KMT2C: variants seen among roughly 807,000 people sequenced by gnomAD.
KMT2C encodes lysine methyltransferase 2C, also known as histone-lysine N-methyltransferase 2C.
Under a neutral mutation model 507.9 loss-of-function variants are expected in KMT2C, and 88 were observed. The ratio of observed to expected loss-of-function variants is 0.17; its 90% CI spans 0.15 to 0.21. The LOEUF (loss-of-function observed/expected upper bound fraction) is 0.21, where lower values mean the gene tolerates loss of function less well. Among genes scored for constraint, KMT2C ranks in the 10% least tolerant of loss-of-function variants. The pLI is 1.00. For missense variants in KMT2C, 4,954 were observed against 5,957.8 expected, an observed-to-expected ratio of 0.83 and a Z score of 5.55; for synonymous variants, 2,049 against 2,080.8, an observed-to-expected ratio of 0.98 and a Z score of 0.42.
chr7:152,200,976 T>C (rs1356111621), intron 26 of KMT2C, among the ~76,000 whole-genome samples: 1 of 152,124 alleles, frequency 6.6e-6, no homozygotes, highest in Non-Finnish European at 1.5e-5. Context: ...TAGAAGAGGA[T>C]TCATTTCTTA....
chr7:152,411,155 A>T (rs2097678868), intron 1 of KMT2C, among the ~76,000 whole-genome samples: 1 of 152,116 alleles, frequency 6.6e-6, no homozygotes, highest in Non-Finnish European at 1.5e-5. Context: ...CTTTAACAGT[A>T]CAATCCAAGT....
chr7:152,234,803 G>A (rs1324075528), intron 16 of KMT2C, among the ~76,000 whole-genome samples: 48 of 151,992 alleles, frequency 3.2e-4, no homozygotes, highest in Admixed American at 6.5e-4. Context: ...CTTGGGAGAC[G>A]GAGGTGGGAG....
Position 152,181,153 on chromosome 7 carries a change from G to A in KMT2C, c.6707C>T (p.Ser2236Phe), listed in dbSNP as rs1316512203. 5 of 1,614,152 alleles carry A rather than the reference G, an allele frequency of 3.1e-6. No homozygotes were observed. The highest frequency in any genetic ancestry group is 1.1e-5 in the South Asian group (1 of 91,062). Residue 2236 changes from serine (S) to phenylalanine (F), a missense_variant, in exon 36 of 59, where the codon TCC (serine) becomes TTC (phenylalanine). Ser to Phe is a radical substitution (Grantham distance 155). This residue lies in a region of KMT2C where 1,689 missense variants were observed against 1,654.3 expected (regional missense o/e 1.02). Transcript: ENST00000262189. Reference protein sequence around the residue: ...RPRISEGFTRSSMTRPVLMPN... With the variant: ...RPRISEGFTRFSMTRPVLMPN... The stretch of plus-strand genomic sequence containing the variant: ...CATGAGGACTGGTCTTGTCATTGAG[G>A]ACCTAGTAAAACCCTCTGAAATCCT...
intron 8 of KMT2C, 95 bp downstream of exon 8, chr7:152,264,943 G>A: frequency 7.1e-7 from 1 of 1,415,266 alleles, no homozygotes; most frequent in Non-Finnish European, 9.3e-7. Context: ...GCTAAAATAT[G>A]AACAACCTCT....
rs149615376 is a variant in KMT2C at position 152,370,842 on chromosome 7, T to C, written c.162-12167A>G. ...ATCGGAACATAGCCATGTATATTTG[T>C]TTACATACAGTCTACATCTGCTTTC... On this transcript the variant is annotated intron_variant, in intron 1 of 58. Transcript: ENST00000262189. Among the ~76,000 whole-genome samples the C allele has an allele frequency of 5.4e-4, 82 of 152,336 alleles. 2 individuals carry two copies. The East Asian group carries it at 0.012, about 22-fold the overall frequency.
chr7:152,347,936 C>T (rs1431123972), intron 2 of KMT2C, among the ~76,000 whole-genome samples: 4 of 152,052 alleles, frequency 2.6e-5, no homozygotes, highest in Non-Finnish European at 4.4e-5. Context: ...TGGTTCAACC[C>T]CAAGCTATTA....
At chr7:152,313,001 A>G (rs1300781658) in intron 4 of KMT2C, among the ~76,000 whole-genome samples, 1 of 152,186 alleles carries the variant, frequency 6.6e-6, no homozygotes, top group Non-Finnish European at 1.5e-5. Flanking sequence ...AAAAAGTATT[A>G]ACATATTTCA....
At chr7:152,428,458 CAAAAAAAAAAAAA>C (rs140697569) in intron 1 of KMT2C, among the ~76,000 whole-genome samples, 1 of 73,516 alleles carries the variant, frequency 1.4e-5, no homozygotes, top group South Asian at 5.8e-4. Flanking sequence ...ACTAAAAATA[CAAAAAAAAAAAAA>C]AAAAAAAAAA....
intron 14 of KMT2C, 199 bp from the exon 15 acceptor site, chr7:152,239,025 T>C: frequency 2.1e-6 from 1 of 468,534 alleles, no homozygotes; most frequent in Non-Finnish European, 3.8e-6. Flanking sequence ...TGTTTGCTGC[T>C]ACAATTTACA....
intron 28 of KMT2C, among the ~76,000 whole-genome samples, chr7:152,195,034 A>C (rs2093922085): frequency 6.6e-6 from 1 of 152,176 alleles, no homozygotes; most frequent in African/African-American, 2.4e-5. Context: ...ATCCTTTGTA[A>C]ATAACTTCAA....
intron 14 of KMT2C, among the ~76,000 whole-genome samples, chr7:152,241,230 C>T (rs2095376750): frequency 4.6e-5 from 7 of 151,974 alleles, no homozygotes; most frequent in Non-Finnish European, 4.4e-5. Flanking sequence ...GATGGAGTCT[C>T]GCTCTGTCAC....
intron 6 of KMT2C, among the ~76,000 whole-genome samples, chr7:152,281,885 CTCA>C (rs2096219898): frequency 6.6e-6 from 1 of 152,096 alleles, no homozygotes; most frequent in Non-Finnish European, 1.5e-5. Context: ...AGGAACTGAA[CTCA>C]AGGAGTTCAT....
intron 46 of KMT2C, among the ~76,000 whole-genome samples, chr7:152,155,194 A>G (rs2091956817): frequency 6.6e-6 from 1 of 152,212 alleles, no homozygotes; most frequent in Non-Finnish European, 1.5e-5. Context: ...GAGGTACAGT[A>G]GAAAGAGGAC....
intron 1 of KMT2C, among the ~76,000 whole-genome samples, chr7:152,415,923 C>G (rs2097730677): frequency 6.6e-6 from 1 of 152,044 alleles, no homozygotes; most frequent in African/African-American, 2.4e-5. Flanking sequence ...ATTAGTCCTA[C>G]TAATCAAGTA....
rs1021039269 is a variant in KMT2C, at chr7:152,148,109, A to G, written c.13818T>C (p.Asp4606=). ...TCCTGATGACAAACACTGGGCGCCC[A>G]TCCTTCTCCTCAATGGAGCACAGGT... ...CRYLCSIEEK[D]GRPVFVIRIV... The change falls in exon 52 of 59, where the codon GAT becomes GAC. Residue 4606 remains aspartate (D), a synonymous_variant. Coordinates refer to ENST00000262189, the MANE Select transcript of KMT2C (RefSeq NM_170606.3). This position sits in a 1 kb window ranked among gnomAD's most constrained non-coding sequence, Gnocchi z 7.1. 6.2e-7 allele frequency: 1 copy of G among 1,611,362 alleles called. No homozygotes were observed. The highest frequency in any genetic ancestry group is 8.5e-7 in the Non-Finnish European group (1 of 1,177,702).
At chr7:152,369,459 C>T (rs2097275381) in intron 1 of KMT2C, among the ~76,000 whole-genome samples, 3 of 152,038 alleles carry the variant, frequency 2.0e-5, no homozygotes, top group African/African-American at 7.2e-5. Flanking sequence ...TCCAGCAAAA[C>T]TAACACACAC....
At chr7:152,419,545 C>T (rs2097766316) in intron 1 of KMT2C, among the ~76,000 whole-genome samples, 1 of 152,096 alleles carries the variant, frequency 6.6e-6, no homozygotes, top group Non-Finnish European at 1.5e-5. Context: ...ATCATTAGTT[C>T]CAGTTTTACA....
rs775204435 is a variant in KMT2C, at chr7:152,177,596, T to C, written c.7857A>G (p.Leu2619=). The part of the protein sequence containing the change: ...RRPPQGLPNQ[L]PVHPDLEQVP... ...CTTGTTCCAAATCTGGGTGCACAGGTAGCTGATTAGGTAGACCCTGGGGAG... is the reference window on the plus strand; with the variant it reads ...CTTGTTCCAAATCTGGGTGCACAGGCAGCTGATTAGGTAGACCCTGGGGAG... Residue 2619 remains leucine, a synonymous_variant, in exon 38 of 59, where the codon CTA becomes CTG. Coordinates refer to ENST00000262189, the MANE Select transcript of KMT2C (RefSeq NM_170606.3). The C allele has an allele frequency of 2.5e-6, 4 of 1,614,110 alleles. No homozygotes were observed. Among genetic ancestry groups the C allele is most frequent in the African/African-American group, 1.3e-5 (1 of 75,020 alleles).
At chr7:152,349,775 T>C (rs1188911707) in intron 2 of KMT2C, among the ~76,000 whole-genome samples, 1 of 152,106 alleles carries the variant, frequency 6.6e-6, no homozygotes, top group Non-Finnish European at 1.5e-5. Flanking sequence ...TGAACCCTTA[T>C]GTGAACTATA....
Sources: gnomAD v4.1 joint callset for allele counts (sites outside exome capture counted in the v4.1 genomes callset) on GRCh38, gnomAD v4.1.1 for gene constraint, gnomAD v4.1.1 regional missense constraint, Gnocchi (gnomAD v3.1) non-coding constraint, MANE v1.5 for transcripts, NCBI Gene and HGNC (gene_info 2026-07-23, HGNC 2026-07-21) for gene names.